RNASEH2B: variants seen among roughly 807,000 people sequenced by gnomAD.
RNASEH2B encodes ribonuclease H2 subunit B, also known as Aicardi-Goutieres syndrome 2 protein.
A neutral mutation model predicts 45.0 loss-of-function variants in RNASEH2B; 36 were observed. The ratio of observed to expected loss-of-function variants is 0.80; its 90% CI spans 0.61 to 1.06. RNASEH2B has a LOEUF of 1.06. RNASEH2B is among the 50% of genes least tolerant of loss of function. The probability of loss-of-function intolerance (pLI) is 0.00; values close to 1 mark genes in which losing one functional copy is unlikely to be tolerated. For synonymous variants in RNASEH2B, 119 were observed against 125.7 expected, an observed-to-expected ratio of 0.95 and a Z score of 0.35; for missense variants, 361 against 360.3, an observed-to-expected ratio of 1.00 and a Z score of -0.02.
At chr13:50,951,250 C>T (rs1386620318) in intron 9 of RNASEH2B, 3 of 152,166 alleles carry the variant, frequency 2.0e-5, no homozygotes, top group Non-Finnish European at 2.9e-5. Flanking sequence ...GATGTACCAT[C>T]GTTTAAACAA....
intron 2 of RNASEH2B, 51 bp from the exon 3 acceptor site, chr13:50,929,424 T>C (rs1164025248): frequency 9.4e-7 from 1 of 1,068,998 alleles, no homozygotes; most frequent in Admixed American, 1.7e-5. Context: ...GTGTGTGTGT[T>C]TGTGTGTGTG....
chr13:50,916,015 A>G (rs1223527947), intron 1 of RNASEH2B, among the ~76,000 whole-genome samples: 1 of 148,416 alleles, frequency 6.7e-6, no homozygotes, highest in African/African-American at 2.5e-5. Flanking sequence ...TTTTTCTCAC[A>G]GTGGTTTTTT....
chr13:50,927,356 C>A (rs1315452967), intron 1 of RNASEH2B, 51 bp from the exon 2 acceptor site: 3 of 1,096,284 alleles, frequency 2.7e-6, no homozygotes, highest in South Asian at 2.5e-5. Context: ...GTAAGGTGAG[C>A]AACAAAACAG....
At chr13:50,928,932 C>CTTTT (rs35147830) in intron 2 of RNASEH2B, among the ~76,000 whole-genome samples, 10 of 87,858 alleles carry the variant, frequency 1.1e-4, no homozygotes, top group East Asian at 5.8e-4. Flanking sequence ...TGCCTCCTCC[C>CTTTT]TTTTTTTTTT....
chr13:50,930,221 T>A (rs1339931286), intron 3 of RNASEH2B: 1 of 253,518 alleles, frequency 3.9e-6, no homozygotes, highest in East Asian at 1.1e-4. Flanking sequence ...CGGAAGGGAC[T>A]GTGTATAGAG....
chr13:50,944,049 CGGGATGGGATGGGACGGGAT>C (rs1431209371), intron 6 of RNASEH2B, among the ~76,000 whole-genome samples: 2 of 87,918 alleles, frequency 2.3e-5, no homozygotes, highest in African/African-American at 4.4e-5. Context: ...TGGGACGGGA[CGGGATGGGATGGGACGGGAT>C]GGGATGGGAT....
chr13:50,924,208 A>G (rs1008391146), intron 1 of RNASEH2B, among the ~76,000 whole-genome samples: 3 of 152,162 alleles, frequency 2.0e-5, no homozygotes, highest in Non-Finnish European at 1.5e-5. Context: ...TAAATGCACT[A>G]AGCACTTCTA....
chr13:50,919,584 T>A (rs187489214), intron 1 of RNASEH2B, among the ~76,000 whole-genome samples: 84 of 152,302 alleles, frequency 5.5e-4, no homozygotes, highest in African/African-American at 1.9e-3. Context: ...GGGAAAATTT[T>A]AAATGTTTAT....
chr13:50,927,589 T>C lies in RNASEH2B; in HGVS notation c.136+111T>C. The C allele has an allele frequency of 7.9e-6, 6 of 759,336 alleles. 1 individual carries two copies. The South Asian group carries it at 8.4e-5, about 11-fold the overall frequency. 47.0% of individuals were successfully genotyped at this position (759,336 alleles called of 1,614,324 possible). A position where few individuals can be genotyped will look rare whatever the true frequency, so the allele number is the denominator to read the frequency against. On this transcript the variant is annotated intron_variant, in intron 2 of 10. Transcript: ENST00000336617. ...TTCTGAATAGCTTTTAAAGTTAAGA[T>C]GGCACCGTGAGGAGAAGAAAACAAG...
chr13:50,956,057 G>T, intron 10 of RNASEH2B: 1 of 300,564 alleles, frequency 3.3e-6, no homozygotes. Flanking sequence ...CATTGTTTGT[G>T]TTATTGTACT....
intron 6 of RNASEH2B, among the ~76,000 whole-genome samples, chr13:50,945,032 T>C (rs1951883249): frequency 6.6e-6 from 1 of 152,226 alleles, no homozygotes; most frequent in African/African-American, 2.4e-5. Context: ...TATTACCTCA[T>C]TTAATTTTCA....
At chr13:50,910,966 C>T (rs1333212355) in intron 1 of RNASEH2B, 1 of 152,180 alleles carries the variant, frequency 6.6e-6, no homozygotes, top group Admixed American at 6.5e-5. Context: ...AATATTCTTT[C>T]CCAGGAATTT....
intron 6 of RNASEH2B, among the ~76,000 whole-genome samples, 158 bp from the exon 7 acceptor site, chr13:50,945,269 A>G (rs1203846406): frequency 6.6e-6 from 1 of 152,210 alleles, no homozygotes; most frequent in Non-Finnish European, 1.5e-5. Context: ...TCAAATGGGC[A>G]ACCATTTCTC....
downstream of RNASEH2B, among the ~76,000 whole-genome samples, chr13:50,959,281 T>C (rs978087280): frequency 6.6e-6 from 1 of 152,200 alleles, no homozygotes. Flanking sequence ...ACTTTGCCTT[T>C]AATTTTGCCT....
At chr13:50,945,067 A>G (rs184529012) in intron 6 of RNASEH2B, among the ~76,000 whole-genome samples, 242 of 152,126 alleles carry the variant, frequency 1.6e-3, no homozygotes, top group Non-Finnish European at 3.0e-3. Flanking sequence ...GGTGAATGCT[A>G]TTTTTTTCCC....
At chr13:50,965,392 A>G (rs1365041310) in intron 9 of RNASEH2B, among the ~76,000 whole-genome samples, 1 of 152,220 alleles carries the variant, frequency 6.6e-6, no homozygotes. Context: ...GCTTAGCAAC[A>G]CTTTTCCCAT....
intron 1 of RNASEH2B, among the ~76,000 whole-genome samples, chr13:50,916,042 A>G (rs549630187): frequency 1.3e-5 from 2 of 151,936 alleles, no homozygotes; most frequent in Admixed American, 6.5e-5. Context: ...ATAACTTTAA[A>G]TAATTAGAAT....
chr13:50,935,153 T>C (rs1593463180), intron 5 of RNASEH2B, 154 bp downstream of exon 5: 3 of 657,972 alleles, frequency 4.6e-6, no homozygotes, highest in Non-Finnish European at 8.3e-6. Flanking sequence ...GCACTGTTCC[T>C]CTATTGCTTT....
Position 50,945,419 on chromosome 13 carries a change from C to T in RNASEH2B, c.511-8C>T. 1 of 1,598,938 alleles carries T rather than the reference C, an allele frequency of 6.3e-7. No homozygotes were observed. The highest frequency in any genetic ancestry group is 8.6e-7 in the Non-Finnish European group (1 of 1,166,288). ...TACCCTGCCTTTCCCCTCTTGGTTGCTTCATAGGTTAATCAAACTGTGGCA... is the reference window on the plus strand; with the variant it reads ...TACCCTGCCTTTCCCCTCTTGGTTGTTTCATAGGTTAATCAAACTGTGGCA... On this transcript the variant is annotated splice_polypyrimidine_tract_variant and splice_region_variant and intron_variant, in intron 6 of 10. Transcript: ENST00000336617.
Sources: allele counts gnomAD v4.1 joint callset (sites outside exome capture counted in the v4.1 genomes callset), GRCh38; gene constraint gnomAD v4.1.1; transcripts MANE v1.5; gene names NCBI Gene and HGNC (gene_info 2026-07-23, HGNC 2026-07-21).